Variants in SLCO6A1 observed in about 807,000 individuals in gnomAD.
SLCO6A1 encodes the protein cancer/testis antigen 48.
SLCO6A1 carries 65 observed loss-of-function variants against 72.7 expected under a neutral mutation model. That is an observed-to-expected ratio of 0.89 (90% confidence interval 0.73 to 1.10). The LOEUF is 1.10. SLCO6A1 is among the 50% of genes least tolerant of loss of function. The probability of loss-of-function intolerance (pLI) is 0.00; values close to 1 mark genes in which losing one functional copy is unlikely to be tolerated. For missense variants in SLCO6A1, 874 were observed against 872.6 expected (o/e 1.00, Z -0.02); for synonymous variants, 314 against 298.2 (o/e 1.05, Z -0.55).
rs369156032 is a variant in SLCO6A1 at position 102,498,879 on chromosome 5, G to A, written c.-35C>T. The A allele has an allele frequency of 2.4e-5, 37 of 1,561,804 alleles. No individual in the cohort carries two copies. The African/African-American group carries it at 3.9e-4, about 17-fold the overall frequency. On this transcript the variant is annotated 5_prime_UTR_variant, in exon 1 of 14. Transcript: ENST00000506729. ...TGGGCGGCTCCTGGCGACGCGGCCC[G>A]AGTGCTCTCGGCTGCCCGTCCTGCC...
intron 1 of SLCO6A1, among the ~76,000 whole-genome samples, chr5:102,481,708 A>T (rs911241105): frequency 2.6e-5 from 4 of 152,190 alleles, no homozygotes; most frequent in Admixed American, 2.6e-4. Flanking sequence ...CTTCTGCCTA[A>T]TGTATCACAA....
At chr5:102,376,808 CA>C (rs1164837917) in intron 12 of SLCO6A1, among the ~76,000 whole-genome samples, 22 of 152,214 alleles carry the variant, frequency 1.4e-4, no homozygotes, top group Non-Finnish European at 2.2e-4. Flanking sequence ...TTCTGTGACC[CA>C]CCAATTCCAC....
At chr5:102,466,575 T>G (rs1260633695) in intron 4 of SLCO6A1, among the ~76,000 whole-genome samples, 1 of 152,198 alleles carries the variant, frequency 6.6e-6, no homozygotes, top group Non-Finnish European at 1.5e-5. Context: ...TATTTCAGTC[T>G]CTAGGTCTTT....
At chr5:102,411,214 A>AAG (rs1554067806) in intron 9 of SLCO6A1, among the ~76,000 whole-genome samples, 1 of 151,592 alleles carries the variant, frequency 6.6e-6, no homozygotes, top group Non-Finnish European at 1.5e-5. Flanking sequence ...GGGATGATGT[A>AAG]ATATATATAT....
intron 4 of SLCO6A1, among the ~76,000 whole-genome samples, chr5:102,464,067 A>G (rs1751189808): frequency 6.6e-6 from 1 of 152,070 alleles, no homozygotes; most frequent in Admixed American, 6.6e-5. Flanking sequence ...GGTGAGGGAT[A>G]AAAGACTACA....
intron 12 of SLCO6A1, among the ~76,000 whole-genome samples, chr5:102,380,686 G>C (rs974830364): frequency 6.6e-6 from 1 of 152,000 alleles, no homozygotes; most frequent in African/African-American, 2.4e-5. Flanking sequence ...CTAGCCAAAT[G>C]TGATCATTAA....
intron 9 of SLCO6A1, among the ~76,000 whole-genome samples, chr5:102,411,859 C>T (rs1580376800): frequency 6.6e-6 from 1 of 152,136 alleles, no homozygotes; most frequent in East Asian, 1.9e-4. Flanking sequence ...TAAAGAATCT[C>T]TATTAGCATA....
At chr5:102,449,296 T>A in intron 6 of SLCO6A1, among the ~76,000 whole-genome samples, 1 of 152,144 alleles carries the variant, frequency 6.6e-6, no homozygotes, top group East Asian at 1.9e-4. Context: ...CCTTTAGTGT[T>A]TTTTACTTTG....
chr5:102,490,317 T>C (rs1752614835), intron 1 of SLCO6A1, among the ~76,000 whole-genome samples: 1 of 152,242 alleles, frequency 6.6e-6, no homozygotes, highest in Admixed American at 6.5e-5. Flanking sequence ...GATTTGATCA[T>C]TACACAATAT....
chr5:102,410,914 C>A (rs1747939708), intron 9 of SLCO6A1, among the ~76,000 whole-genome samples: 3 of 152,204 alleles, frequency 2.0e-5, no homozygotes, highest in African/African-American at 7.2e-5. Flanking sequence ...ATTTCCACAT[C>A]TAAATTAATG....
intron 7 of SLCO6A1, among the ~76,000 whole-genome samples, chr5:102,436,429 G>A (rs144524588): frequency 4.2e-4 from 64 of 152,236 alleles, no homozygotes; most frequent in African/African-American, 1.5e-3. Flanking sequence ...AATTACTCTG[G>A]AAGTCAAGCA....
intron 4 of SLCO6A1, among the ~76,000 whole-genome samples, chr5:102,470,415 C>A (rs1213554568): frequency 6.6e-6 from 1 of 152,114 alleles, no homozygotes; most frequent in East Asian, 1.9e-4. Flanking sequence ...GGAATTTATC[C>A]ATTTCTTCTA....
chr5:102,438,471 T>G, intron 7 of SLCO6A1, 146 bp downstream of exon 7: 1 of 569,714 alleles, frequency 1.8e-6, no homozygotes, highest in East Asian at 3.8e-5. Flanking sequence ...GACACTATGA[T>G]GGCAAAGTGC....
chr5:102,494,054 C>G (rs888475078), intron 1 of SLCO6A1, among the ~76,000 whole-genome samples: 8 of 151,808 alleles, frequency 5.3e-5, no homozygotes, highest in Admixed American at 6.6e-5. Context: ...CTACAGTAAC[C>G]AATGCAATAT....
intron 10 of SLCO6A1, among the ~76,000 whole-genome samples, chr5:102,398,243 G>C (rs1415583137): frequency 2.0e-5 from 3 of 151,868 alleles, no homozygotes; most frequent in Non-Finnish European, 4.4e-5. Context: ...CAGTGGCATG[G>C]ATCTTGGCTC....
intron 8 of SLCO6A1, among the ~76,000 whole-genome samples, chr5:102,414,968 T>C (rs1748203306): frequency 6.6e-6 from 1 of 151,720 alleles, no homozygotes; most frequent in African/African-American, 2.4e-5. Context: ...TTGTTTACAA[T>C]AGGTCCAAAA....
chr5:102,373,035 A>C (rs1750708565), intron 13 of SLCO6A1, among the ~76,000 whole-genome samples: 1 of 151,944 alleles, frequency 6.6e-6, no homozygotes, highest in African/African-American at 2.4e-5. Context: ...ATTAATTCCA[A>C]ATAGCAAAGG....
At chr5:102,386,001 C>G (rs189047394) in intron 12 of SLCO6A1, among the ~76,000 whole-genome samples, 17 of 152,034 alleles carry the variant, frequency 1.1e-4, no homozygotes, top group East Asian at 5.8e-4. Flanking sequence ...GAATCAGTTA[C>G]TGGTGTTTTA....
intron 10 of SLCO6A1, among the ~76,000 whole-genome samples, chr5:102,396,470 A>C (rs1025446565): frequency 6.6e-6 from 1 of 152,156 alleles, no homozygotes; most frequent in Admixed American, 6.6e-5. Flanking sequence ...TTATTTTTCC[A>C]TAAGAACTTT....
Sources: gnomAD v4.1 joint callset for allele counts (sites outside exome capture counted in the v4.1 genomes callset) on GRCh38, gnomAD v4.1.1 for gene constraint, MANE v1.5 for transcripts, NCBI Gene and HGNC (gene_info 2026-07-23, HGNC 2026-07-21) for gene names.